Variants in CFAP52 observed in about 807,000 individuals in gnomAD.
CFAP52 encodes the protein cilia and flagella associated protein 52, also known as cilia- and flagella-associated protein 52.
CFAP52 carries 57 observed loss-of-function variants against 70.5 expected under a neutral mutation model. That is an observed-to-expected ratio of 0.81 (90% confidence interval 0.65 to 1.01). CFAP52 has a LOEUF of 1.01. Ranked by LOEUF, CFAP52 falls within the 50% of genes least tolerant of loss-of-function variation. The pLI, the probability that CFAP52 is intolerant of heterozygous loss-of-function variation, is 0.00. For synonymous variants in CFAP52, 267 were observed against 292.5 expected (o/e 0.91, Z 0.89); for missense variants, 785 against 788.5 (o/e 1.00, Z 0.05).
downstream of CFAP52, chr17:9,645,450 G>C (rs542941374): frequency 4.5e-6 from 2 of 447,622 alleles, no homozygotes; most frequent in Non-Finnish European, 6.6e-6. This position sits in a 1 kb window ranked among gnomAD's most constrained non-coding sequence, Gnocchi z 6.8. Flanking sequence ...GGGGCTGGTC[G>C]TGCCGCCGGA....
chr17:9,643,773 G>A (rs954766863), downstream of CFAP52, among the ~76,000 whole-genome samples: 1 of 152,212 alleles, frequency 6.6e-6, no homozygotes, highest in Non-Finnish European at 1.5e-5. Context: ...AAATATGCAT[G>A]CTTTCTCAAA....
intron 5 of CFAP52, among the ~76,000 whole-genome samples, chr17:9,599,749 T>A: frequency 6.6e-6 from 1 of 152,086 alleles, no homozygotes; most frequent in Non-Finnish European, 1.5e-5. Flanking sequence ...TTCTTCTTTT[T>A]TTTTTTCCTG....
chr17:9,600,391 C>T (rs2056596075), intron 6 of CFAP52, among the ~76,000 whole-genome samples: 1 of 151,182 alleles, frequency 6.6e-6, no homozygotes, highest in African/African-American at 2.4e-5. Context: ...ACAGGTGTGC[C>T]CCACCACACC....
rs369770347 is a variant in CFAP52 at position 9,628,786 on chromosome 17, C to T, written c.1140C>T (p.Ile380=). The change falls in exon 9 of 14, where the codon ATC becomes ATT. Residue 380 remains isoleucine, a synonymous_variant. Transcript: ENST00000352665. Reference sequence around the variant, plus strand: ...TGCCCAACATGACCTGCCACGGCATCGACTTCATGAGGGACGGCAAAAGCA... The same window carrying T: ...TGCCCAACATGACCTGCCACGGCATTGACTTCATGAGGGACGGCAAAAGCA... The part of the protein sequence containing the change: ...ITVPNMTCHG[I]DFMRDGKSII... The T allele has an allele frequency of 1.5e-5, 24 of 1,614,042 alleles. 1 individual carries two copies. In the Admixed American group the frequency reaches 2.0e-4, roughly 13 times the overall value.
chr17:9,629,673 G>A (rs1910386476), intron 9 of CFAP52, among the ~76,000 whole-genome samples: 1 of 151,284 alleles, frequency 6.6e-6, no homozygotes, highest in Non-Finnish European at 1.5e-5. Context: ...TCAGCCTCCA[G>A]AGTAGCTGGG....
chr17:9,600,240 T>C, intron 6 of CFAP52, 57 bp downstream of exon 6: 2 of 1,446,030 alleles, frequency 1.4e-6, no homozygotes, highest in Non-Finnish European at 1.9e-6. Flanking sequence ...TGGCAGCATG[T>C]ACTTTTTTTT....
chr17:9,629,501 T>TTTC (rs1910368099), intron 9 of CFAP52, among the ~76,000 whole-genome samples: 10 of 139,466 alleles, frequency 7.2e-5, no homozygotes, highest in African/African-American at 3.2e-4. Context: ...CTTTCTTTTC[T>TTTC]TTTCTTTCTT....
At chr17:9,596,820 A>T (rs987789079) in intron 4 of CFAP52, among the ~76,000 whole-genome samples, 5 of 151,746 alleles carry the variant, frequency 3.3e-5, no homozygotes, top group Admixed American at 6.6e-5. Flanking sequence ...GGTACAAGCG[A>T]TTCTCCTGCC....
chr17:9,639,398 TC>T (rs1910957903), intron 12 of CFAP52, among the ~76,000 whole-genome samples: 1 of 151,078 alleles, frequency 6.6e-6, no homozygotes, highest in South Asian at 2.1e-4. Flanking sequence ...ACCACTGCAC[TC>T]CAGTCTGGGT....
chr17:9,638,943 C>T (rs531341523), intron 12 of CFAP52: 12 of 519,750 alleles, frequency 2.3e-5, no homozygotes, highest in African/African-American at 2.3e-4. Flanking sequence ...TAAAGTCATG[C>T]TTGCTCATGG....
intron 11 of CFAP52, 122 bp downstream of exon 11, chr17:9,635,678 A>G (rs1910742970): frequency 2.3e-6 from 3 of 1,288,508 alleles, no homozygotes; most frequent in African/African-American, 1.5e-5. Context: ...CAACACAGTA[A>G]AGGGATGTTC....
downstream of CFAP52, chr17:9,645,321 C>T (rs964121125): frequency 2.9e-5 from 6 of 207,752 alleles, no homozygotes; most frequent in South Asian, 1.9e-4. This position sits in a 1 kb window ranked among gnomAD's most constrained non-coding sequence, Gnocchi z 6.8. Flanking sequence ...AGCGGCGAAA[C>T]CCAGGTCTGT....
In CFAP52 at chr17:9,600,021, G is replaced by A. The variant is rs201868257; in HGVS notation, c.637-46G>A. 752 of 1,556,426 alleles carry A rather than the reference G, an allele frequency of 4.8e-4. 7 individuals are homozygous for A. The Admixed American group carries it at 0.012, about 24-fold the overall frequency. On this transcript the variant is annotated intron_variant, in intron 5 of 13. Coordinates refer to ENST00000352665, the MANE Select transcript of CFAP52 (RefSeq NM_145054.5). Reference sequence around the variant, plus strand: ...CTCCCAAAGTGCTGATATTACAGGCGTGAGCCACCGAGGCTGGCCAAGATT... The same window carrying A: ...CTCCCAAAGTGCTGATATTACAGGCATGAGCCACCGAGGCTGGCCAAGATT...
intron 13 of CFAP52, 47 bp downstream of exon 13, chr17:9,641,882 G>A: frequency 6.6e-7 from 1 of 1,518,880 alleles, no homozygotes; most frequent in Non-Finnish European, 9.1e-7. Context: ...ATTTAGACGA[G>A]GACATGGAAG....
At chr17:9,588,244 T>C (rs1251249827) in intron 3 of CFAP52, among the ~76,000 whole-genome samples, 1 of 152,150 alleles carries the variant, frequency 6.6e-6, no homozygotes, top group Non-Finnish European at 1.5e-5. Context: ...CACTATTGTC[T>C]GTTAAAGGGA....
intron 4 of CFAP52, among the ~76,000 whole-genome samples, chr17:9,594,658 C>T (rs1420177012): frequency 1.3e-5 from 2 of 152,174 alleles, no homozygotes; most frequent in African/African-American, 2.4e-5. Context: ...TTTCTTCCCA[C>T]CTGCTCTTGA....
intron 11 of CFAP52, among the ~76,000 whole-genome samples, chr17:9,636,227 GAAAGAAA>G (rs1910790721): frequency 6.8e-6 from 1 of 146,054 alleles, no homozygotes; most frequent in Admixed American, 6.8e-5. Flanking sequence ...AAGAAAGAAA[GAAAGAAA>G]GAAAGAAAGA....
chr17:9,588,039 C>G (rs1678923445), intron 3 of CFAP52, among the ~76,000 whole-genome samples: 1 of 152,184 alleles, frequency 6.6e-6, no homozygotes, highest in African/African-American at 2.4e-5. Context: ...ATACAAGCTT[C>G]CCAGTACTGT....
chr17:9,576,817 G>A (rs1381485875), intron 1 of CFAP52, 52 bp downstream of exon 1: 6 of 1,583,692 alleles, frequency 3.8e-6, no homozygotes, highest in Non-Finnish European at 5.2e-6. Context: ...CGGAGGACGT[G>A]TAGTGCAAAC....
Sources: allele counts gnomAD v4.1 joint callset (sites outside exome capture counted in the v4.1 genomes callset), GRCh38; gene constraint gnomAD v4.1.1; non-coding constraint Gnocchi (gnomAD v3.1); transcripts MANE v1.5; gene names NCBI Gene and HGNC (gene_info 2026-07-23, HGNC 2026-07-21).